FAM135B: variants seen among roughly 807,000 people sequenced by gnomAD.
FAM135B encodes the protein family with sequence similarity 135 member B, also known as protein FAM135B.
FAM135B carries 43 observed loss-of-function variants against 127.7 expected under a neutral mutation model. That is an observed-to-expected ratio of 0.34 (90% CI 0.26 to 0.43). The LOEUF (loss-of-function observed/expected upper bound fraction) is 0.43. Ranked by LOEUF, FAM135B falls within the 20% of genes least tolerant of loss-of-function variation. FAM135B has a pLI of 1.00. For missense variants in FAM135B, 1,558 were observed against 1,725.6 expected (o/e 0.90, Z 1.72); for synonymous variants, 670 against 665.1 (o/e 1.01, Z -0.11).
chr8:138,267,739 T>C (rs532752645), intron 3 of FAM135B, among the ~76,000 whole-genome samples: 2 of 152,208 alleles, frequency 1.3e-5, no homozygotes, highest in Non-Finnish European at 2.9e-5. Context: ...GAGCAAGGAA[T>C]ACAAAATATG....
At chr8:138,208,086 G>A (rs188494166) in intron 7 of FAM135B, among the ~76,000 whole-genome samples, 80 of 152,268 alleles carry the variant, frequency 5.3e-4, no homozygotes, top group African/African-American at 1.9e-3. Context: ...TGAGGCCACT[G>A]AGGTTACCAC....
intron 7 of FAM135B, among the ~76,000 whole-genome samples, chr8:138,224,283 T>C (rs972933675): frequency 6.6e-6 from 1 of 152,188 alleles, no homozygotes; most frequent in Non-Finnish European, 1.5e-5. Flanking sequence ...ACTCTGTAGT[T>C]AGCACATTCA....
At chr8:138,307,307 G>A (rs560766911) in intron 3 of FAM135B, among the ~76,000 whole-genome samples, 1 of 152,234 alleles carries the variant, frequency 6.6e-6, no homozygotes, top group Admixed American at 6.5e-5. Context: ...GTTCCTTCTT[G>A]CCTTCCCTGG....
At chr8:138,327,931 T>C (rs1398290) in intron 2 of FAM135B, among the ~76,000 whole-genome samples, 132,101 of 152,144 alleles carry the variant, frequency 0.87, 58,686 homozygotes, top group Non-Finnish European at 0.97. Context: ...AGAGACTTCA[T>C]ATTGCAAGAA....
intron 1 of FAM135B, among the ~76,000 whole-genome samples, chr8:138,387,033 C>A (rs1236355764): frequency 6.6e-6 from 1 of 152,152 alleles, no homozygotes; most frequent in Non-Finnish European, 1.5e-5. Flanking sequence ...CCCCACAGGA[C>A]CCAAGCCCTA....
intron 1 of FAM135B, among the ~76,000 whole-genome samples, chr8:138,384,666 GTGTA>G (rs1832076817): frequency 1.3e-5 from 2 of 152,146 alleles, no homozygotes; most frequent in Non-Finnish European, 2.9e-5. Context: ...CTGTGTGTGT[GTGTA>G]TGTGAGTGGT....
chr8:138,329,450 TAGGAATTTCC>T (rs1563903753), intron 2 of FAM135B, among the ~76,000 whole-genome samples: 1 of 152,230 alleles, frequency 6.6e-6, no homozygotes, highest in Non-Finnish European at 1.5e-5. Context: ...ATTATGTGTG[TAGGAATTTCC>T]ATTTCCTCAT....
intron 8 of FAM135B, among the ~76,000 whole-genome samples, chr8:138,195,547 ACG>A (rs1317228879): frequency 6.6e-6 from 1 of 152,032 alleles, no homozygotes; most frequent in Admixed American, 6.6e-5. Flanking sequence ...CCTCATGCAC[ACG>A]GTTATGAGAA....
intron 16 of FAM135B, among the ~76,000 whole-genome samples, chr8:138,142,285 C>CTTTTTT (rs1166235927): frequency 1.0e-5 from 1 of 99,934 alleles, no homozygotes; most frequent in Non-Finnish European, 2.0e-5. Context: ...CATTCTGCTT[C>CTTTTTT]TTCTTTTTTT....
At chr8:138,161,383 C>G (rs1454514064) in intron 12 of FAM135B, among the ~76,000 whole-genome samples, 1 of 147,906 alleles carries the variant, frequency 6.8e-6, no homozygotes, top group Non-Finnish European at 1.5e-5. Flanking sequence ...CTCTGCCTCC[C>G]TCCTTTCTAA....
intron 1 of FAM135B, among the ~76,000 whole-genome samples, chr8:138,394,085 G>T (rs935383479): frequency 6.6e-6 from 1 of 152,204 alleles, no homozygotes; most frequent in African/African-American, 2.4e-5. Flanking sequence ...GAGTCCCAGG[G>T]ACTGTGGTCC....
intron 3 of FAM135B, among the ~76,000 whole-genome samples, chr8:138,270,360 T>C (rs1334740171): frequency 6.6e-6 from 1 of 152,130 alleles, no homozygotes; most frequent in African/African-American, 2.4e-5. Context: ...AATGAAGCTA[T>C]CTTGAGAAAA....
At chr8:138,339,270 A>C (rs1026875033) in intron 2 of FAM135B, among the ~76,000 whole-genome samples, 22 of 151,928 alleles carry the variant, frequency 1.4e-4, no homozygotes, top group African/African-American at 4.4e-4. Flanking sequence ...TTAAAAAAAA[A>C]CCTAAATAAT....
chr8:138,202,398 C>T (rs528499718), intron 7 of FAM135B, among the ~76,000 whole-genome samples: 1 of 152,218 alleles, frequency 6.6e-6, no homozygotes, highest in Non-Finnish European at 1.5e-5. Context: ...TACAGGCATG[C>T]ACCATCACAC....
chr8:138,274,918 T>C (rs1823692922), intron 3 of FAM135B, among the ~76,000 whole-genome samples: 1 of 8,258 alleles, frequency 1.2e-4, no homozygotes, highest in African/African-American at 1.4e-4. Context: ...TTCATATTGC[T>C]CAAACACACG....
At chr8:138,364,362 G>A (rs1432125307) in intron 2 of FAM135B, among the ~76,000 whole-genome samples, 2 of 152,146 alleles carry the variant, frequency 1.3e-5, no homozygotes, top group Non-Finnish European at 2.9e-5. Context: ...GCAAGGTTTT[G>A]TTGCTGATGA....
chr8:138,441,794 A>G (rs1448199823), intron 1 of FAM135B: 1 of 151,966 alleles, frequency 6.6e-6, no homozygotes, highest in East Asian at 1.9e-4. Flanking sequence ...CCTAGGAAGC[A>G]AGGATATTTT....
At chr8:138,153,501 A>C (rs924328697) in intron 12 of FAM135B, among the ~76,000 whole-genome samples, 3 of 152,194 alleles carry the variant, frequency 2.0e-5, no homozygotes, top group Non-Finnish European at 4.4e-5. Flanking sequence ...CACCTCACCC[A>C]GGAAGTGCAA....
At chr8:138,206,418 C>G (rs1325855828) in intron 7 of FAM135B, among the ~76,000 whole-genome samples, 7 of 151,062 alleles carry the variant, frequency 4.6e-5, no homozygotes, top group East Asian at 4.0e-4. Flanking sequence ...TCGTCCCCTC[C>G]ACCTACACAC....
Sources: allele counts gnomAD v4.1 joint callset (sites outside exome capture counted in the v4.1 genomes callset), GRCh38; gene constraint gnomAD v4.1.1; transcripts MANE v1.5; gene names NCBI Gene and HGNC (gene_info 2026-07-23, HGNC 2026-07-21).